The following DISP1 variants were observed in gnomAD, a reference collection of about 807,000 sequenced individuals.
The protein encoded by DISP1 is protein dispatched homolog 1.
A neutral mutation model predicts 37.3 loss-of-function variants in DISP1; 30 were observed. The observed-to-expected ratio is 0.80, with a 90% CI of 0.60 to 1.09. DISP1 has a LOEUF of 1.09. DISP1 is among the 50% of genes least tolerant of loss of function. The pLI, the probability that DISP1 is intolerant of heterozygous loss-of-function variation, is 0.00. For missense variants in DISP1, 1,598 were observed against 1,879.5 expected (o/e 0.85, Z 2.77); for synonymous variants, 634 against 690.2 (o/e 0.92, Z 1.28).
intron 3 of DISP1, among the ~76,000 whole-genome samples, chr1:222,955,325 T>C (rs1675520156): frequency 6.6e-6 from 1 of 152,110 alleles, no homozygotes. Flanking sequence ...CCTCAAGTGA[T>C]CTACCTGCCT....
intron 1 of DISP1, among the ~76,000 whole-genome samples, chr1:222,924,282 A>G (rs1672964701): frequency 6.6e-6 from 1 of 152,202 alleles, no homozygotes; most frequent in South Asian, 2.1e-4. Flanking sequence ...AGGTTTGAGT[A>G]GTAAAATTGG....
At chr1:222,820,287 T>G (rs1167289749) in intron 1 of DISP1, among the ~76,000 whole-genome samples, 3 of 152,208 alleles carry the variant, frequency 2.0e-5, no homozygotes, top group African/African-American at 4.8e-5. Flanking sequence ...TATCATAAAA[T>G]ATCTAACTAC....
chr1:222,940,619 C>G (rs1319292496), intron 2 of DISP1, among the ~76,000 whole-genome samples: 3 of 152,134 alleles, frequency 2.0e-5, no homozygotes, highest in African/African-American at 7.2e-5. Context: ...AATTAAATAC[C>G]TAGGAAAAAG....
chr1:222,865,092 T>G (rs1041490881), intron 1 of DISP1, among the ~76,000 whole-genome samples: 3 of 152,110 alleles, frequency 2.0e-5, no homozygotes, highest in Non-Finnish European at 4.4e-5. Context: ...CTCTCTGATG[T>G]AATTCAAACT....
intron 1 of DISP1, among the ~76,000 whole-genome samples, chr1:222,887,793 C>T (rs1051235362): frequency 2.0e-5 from 3 of 151,150 alleles, no homozygotes; most frequent in Non-Finnish European, 3.0e-5. Flanking sequence ...CCACCGCGCC[C>T]GGCCTGTTTT....
At chr1:222,871,232 C>T (rs1472832385) in intron 1 of DISP1, among the ~76,000 whole-genome samples, 1 of 152,144 alleles carries the variant, frequency 6.6e-6, no homozygotes, top group Non-Finnish European at 1.5e-5. Flanking sequence ...CATGATGCCT[C>T]CAGCTTTGTT....
chr1:222,829,445 TG>T (rs145556867), intron 1 of DISP1, among the ~76,000 whole-genome samples: 14,162 of 148,090 alleles, frequency 0.096, 720 homozygotes, highest in African/African-American at 0.12. Context: ...TCTCTTTGAA[TG>T]TTTTTTTTTT....
At chr1:222,943,966 G>T (rs1013829389) in intron 3 of DISP1, among the ~76,000 whole-genome samples, 2 of 151,598 alleles carry the variant, frequency 1.3e-5, no homozygotes, top group Non-Finnish European at 2.9e-5. Flanking sequence ...GGAGGTGGAG[G>T]TTGTGGTGAG....
chr1:222,926,690 G>A (rs1572525508), intron 1 of DISP1, among the ~76,000 whole-genome samples: 1 of 152,228 alleles, frequency 6.6e-6, no homozygotes, highest in African/African-American at 2.4e-5. Context: ...TACCTAACCA[G>A]GTATATTTTC....
chr1:222,964,795 G>A (rs1363169580), intron 3 of DISP1, among the ~76,000 whole-genome samples: 1 of 152,130 alleles, frequency 6.6e-6, no homozygotes, highest in African/African-American at 2.4e-5. Flanking sequence ...AGTAGTAATT[G>A]GAGAAATTAT....
chr1:222,845,875 A>G (rs1667867303), intron 1 of DISP1, among the ~76,000 whole-genome samples: 1 of 152,204 alleles, frequency 6.6e-6, no homozygotes, highest in Non-Finnish European at 1.5e-5. Flanking sequence ...ATTCAAAATA[A>G]TTCACAGTGA....
intron 1 of DISP1, among the ~76,000 whole-genome samples, chr1:222,908,966 A>T (rs1672065121): frequency 1.3e-5 from 2 of 151,970 alleles, no homozygotes; most frequent in Non-Finnish European, 2.9e-5. Flanking sequence ...ACGGTTTGGG[A>T]TACACCTTAT....
intron 1 of DISP1, among the ~76,000 whole-genome samples, chr1:222,842,649 C>T (rs1326785094): frequency 1.3e-5 from 2 of 151,998 alleles, no homozygotes; most frequent in Non-Finnish European, 2.9e-5. Context: ...ATAAATACTG[C>T]CCCTCCCAAC....
intron 1 of DISP1, among the ~76,000 whole-genome samples, chr1:222,863,635 C>G (rs190163020): frequency 6.6e-6 from 1 of 151,760 alleles, no homozygotes; most frequent in African/African-American, 2.4e-5. Flanking sequence ...ATCTGTCATT[C>G]GATTCTTCCA....
At chr1:222,874,657 C>G (rs1336170200) in intron 1 of DISP1, among the ~76,000 whole-genome samples, 2 of 152,034 alleles carry the variant, frequency 1.3e-5, no homozygotes, top group Non-Finnish European at 2.9e-5. Context: ...GTTATCCATT[C>G]GTCTAATTTT....
At chr1:222,853,894 G>A (rs1180886394) in intron 1 of DISP1, among the ~76,000 whole-genome samples, 4 of 152,302 alleles carry the variant, frequency 2.6e-5, no homozygotes, top group South Asian at 4.1e-4. Flanking sequence ...GAAGGATGTT[G>A]AGCATTCCCA....
chr1:222,983,052 AT>A, intron 3 of DISP1, 27 bp from the exon 4 acceptor site: 3 of 1,559,944 alleles, frequency 1.9e-6, no homozygotes, highest in Non-Finnish European at 8.7e-7. Context: ...GTTTTTGATC[AT>A]TTTTCCTTTG....
chr1:222,881,590 T>C (rs1397269616), intron 1 of DISP1, among the ~76,000 whole-genome samples: 1 of 152,238 alleles, frequency 6.6e-6, no homozygotes, highest in African/African-American at 2.4e-5. Context: ...GTTTTTGTTT[T>C]TTCCTCCTTC....
chr1:222,923,501 G>C lies in DISP1; in HGVS notation c.-158-4929G>C, dbSNP rs2125445057. Among the ~76,000 whole-genome samples, 3 of 152,302 alleles carry C rather than the reference G, an allele frequency of 2.0e-5. No individual in the cohort carries two copies. In the South Asian group the frequency reaches 6.2e-4, roughly 32 times the overall value. On this transcript the variant is annotated intron_variant, in intron 1 of 8. Coordinates refer to ENST00000675850, the MANE Select transcript of DISP1 (RefSeq NM_001377229.1). ...ACAGTAATTAATAGCAGGAAAAAGG[G>C]TTGGACACTGAGAGATAAGGGACAA...
Sources: gnomAD v4.1 joint callset for allele counts (sites outside exome capture counted in the v4.1 genomes callset) on GRCh38, gnomAD v4.1.1 for gene constraint, MANE v1.5 for transcripts, NCBI Gene and HGNC (gene_info 2026-07-23, HGNC 2026-07-21) for gene names.